TTLL6: variants seen among roughly 807,000 people sequenced by gnomAD.
TTLL6 encodes tubulin tyrosine ligase like 6.
A neutral mutation model predicts 96.4 loss-of-function variants in TTLL6; 75 were observed. The observed-to-expected ratio is 0.78, with a 90% CI of 0.65 to 0.94. The LOEUF is 0.94. Among genes scored for constraint, TTLL6 ranks in the 40% least tolerant of loss-of-function variants. TTLL6 has a pLI of 0.00. For missense variants in TTLL6, 1,030 were observed against 1,093.0 expected (o/e 0.94, Z 0.81); for synonymous variants, 411 against 419.4 (o/e 0.98, Z 0.24).
intron 13 of TTLL6, among the ~76,000 whole-genome samples, chr17:48,783,710 C>A (rs1435420957): frequency 3.3e-5 from 5 of 152,164 alleles, no homozygotes; most frequent in Non-Finnish European, 4.4e-5. Context: ...GGATAACAGG[C>A]ATGAGCCACT....
intron 1 of TTLL6, chr17:48,806,076 T>C: frequency 6.6e-6 from 1 of 151,006 alleles, no homozygotes; most frequent in Non-Finnish European, 1.5e-5. Flanking sequence ...GCCATTGCAC[T>C]CTAGCCTGGG....
rs563812030 is a variant in TTLL6 at position 48,779,476 on chromosome 17, T to C, written c.2040+5447A>G. On this transcript the variant is annotated intron_variant, in intron 13 of 15. Transcript: ENST00000393382. ...AAAATGTACAATAATACAGTCACTT[T>C]GGATAAAGACTTTGGAGTTTCTTAT... Among the ~76,000 whole-genome samples the C allele has an allele frequency of 2.5e-4, 38 of 152,284 alleles. 2 individuals are homozygous for C. The South Asian group carries it at 7.9e-3, about 32-fold the overall frequency.
intron 5 of TTLL6, 38 bp downstream of exon 5, chr17:48,801,217 G>A (rs1405650844): frequency 6.9e-7 from 1 of 1,443,826 alleles, no homozygotes; most frequent in Non-Finnish European, 9.4e-7. Flanking sequence ...AAATGGGGAG[G>A]GGAGTGGAGA....
At chr17:48,796,755 C>T (rs2039323146) in intron 7 of TTLL6, among the ~76,000 whole-genome samples, 1 of 152,128 alleles carries the variant, frequency 6.6e-6, no homozygotes, top group African/African-American at 2.4e-5. Flanking sequence ...TCCTTGATTA[C>T]CCCTGAACTG....
intron 13 of TTLL6, among the ~76,000 whole-genome samples, chr17:48,775,903 C>G (rs568144616): frequency 5.9e-5 from 9 of 152,182 alleles, no homozygotes; most frequent in African/African-American, 2.2e-4. Flanking sequence ...CTTTTTCAAT[C>G]TGATAAAGGG....
chr17:48,806,470 C>T (rs2039506975), intron 1 of TTLL6, among the ~76,000 whole-genome samples: 1 of 152,072 alleles, frequency 6.6e-6, no homozygotes, highest in African/African-American at 2.4e-5. Context: ...CCCTTCCTCT[C>T]TTCACCTCCG....
intron 1 of TTLL6, 138 bp from the exon 2 acceptor site, chr17:48,805,129 G>A (rs2039487994): frequency 2.9e-6 from 2 of 678,078 alleles, no homozygotes; most frequent in Non-Finnish European, 5.0e-6. Flanking sequence ...CCCGGCCTCC[G>A]CGGTTTGATG....
intron 1 of TTLL6, among the ~76,000 whole-genome samples, chr17:48,806,614 T>A (rs912193025): frequency 7.2e-5 from 11 of 152,024 alleles, no homozygotes; most frequent in Non-Finnish European, 1.3e-4. Context: ...CAATGTATTA[T>A]CATTGAAAGA....
intron 1 of TTLL6, among the ~76,000 whole-genome samples, chr17:48,814,234 G>A (rs764348977): frequency 2.8e-5 from 4 of 144,944 alleles, no homozygotes; most frequent in Non-Finnish European, 3.0e-5. Flanking sequence ...CAGGAGAATC[G>A]CTTGAACCTG....
At position 48,791,527 on chromosome 17, in the gene TTLL6, C is replaced by T. The variant is rs756342168; in HGVS notation, c.1075G>A (p.Val359Ile). The T allele has an allele frequency of 2.0e-5, 32 of 1,614,172 alleles. No homozygotes were observed. The East Asian group carries it at 3.8e-4, about 19-fold the overall frequency. The change falls in exon 9 of 16, where the codon GTC (valine) becomes ATC (isoleucine). Residue 359 changes from valine to isoleucine, a missense_variant. Transcript: ENST00000393382. The stretch of plus-strand genomic sequence containing the variant: ...GCCGAGATGAGGGTCTTGATGATGA[C>T]GTCCTCAATATCCCTCCATATCTGC... ...VEQIWRDIED[V>I]IIKTLISAHP...
At chr17:48,814,813 C>T (rs1252811629) in intron 1 of TTLL6, among the ~76,000 whole-genome samples, 1 of 152,090 alleles carries the variant, frequency 6.6e-6, no homozygotes, top group East Asian at 1.9e-4. Flanking sequence ...CAAACTCCAG[C>T]CTGTTGCCCA....
intron 2 of TTLL6, 127 bp from the exon 3 acceptor site, chr17:48,804,055 T>C: frequency 9.2e-7 from 1 of 1,091,762 alleles, no homozygotes; most frequent in African/African-American, 1.6e-5. Flanking sequence ...CTAAGCCTGG[T>C]TTGACCGTCC....
intron 1 of TTLL6, among the ~76,000 whole-genome samples, chr17:48,809,596 C>T (rs1160875970): frequency 6.6e-6 from 1 of 152,106 alleles, no homozygotes; most frequent in East Asian, 1.9e-4. Context: ...CAGTGGCTCA[C>T]GCCTGTAATC....
At chr17:48,776,874 G>A (rs573426151) in intron 13 of TTLL6, among the ~76,000 whole-genome samples, 1 of 152,192 alleles carries the variant, frequency 6.6e-6, no homozygotes, top group South Asian at 2.1e-4. Flanking sequence ...TAAAATTTAA[G>A]TGGAAATGCA....
At chr17:48,774,233 G>GTTTTTTTT (rs1218981467) in intron 13 of TTLL6, among the ~76,000 whole-genome samples, 1 of 112,924 alleles carries the variant, frequency 8.9e-6, no homozygotes, top group African/African-American at 3.2e-5. Context: ...CAGGTTTGTT[G>GTTTTTTTT]TTTTTTTTTT....
chr17:48,815,324 C>T (rs976986803), intron 1 of TTLL6: 1 of 152,126 alleles, frequency 6.6e-6, no homozygotes, highest in Non-Finnish European at 1.5e-5. Context: ...ATAGGTTTTC[C>T]TTCACGTACC....
At chr17:48,799,866 A>G (rs1407380178) in intron 5 of TTLL6, 106 bp from the exon 6 acceptor site, 1 of 1,035,048 alleles carries the variant, frequency 9.7e-7, no homozygotes, top group Non-Finnish European at 1.4e-6. Flanking sequence ...AATGTGACAA[A>G]TCCCTGGCAC....
At chr17:48,776,434 C>G (rs1222920737) in intron 13 of TTLL6, among the ~76,000 whole-genome samples, 1 of 152,112 alleles carries the variant, frequency 6.6e-6, no homozygotes, top group South Asian at 2.1e-4. Context: ...GCACTCCAGC[C>G]TGGTGACAGA....
intron 15 of TTLL6, chr17:48,765,903 A>G (rs1249778111): frequency 6.6e-6 from 1 of 152,262 alleles, no homozygotes; most frequent in African/African-American, 2.4e-5. Flanking sequence ...ATTATGGCAG[A>G]AAAGATCTAA....
Sources: allele counts gnomAD v4.1 joint callset (sites outside exome capture counted in the v4.1 genomes callset), GRCh38; gene constraint gnomAD v4.1.1; transcripts MANE v1.5; gene names NCBI Gene and HGNC (gene_info 2026-07-23, HGNC 2026-07-21).